Variants in CEACAM18 observed in about 807,000 individuals in gnomAD.
The protein encoded by CEACAM18 is CEA cell adhesion molecule 18, also known as cell adhesion molecule CEACAM18.
Under a neutral mutation model 34.3 loss-of-function variants are expected in CEACAM18, and 33 were observed. That is an observed-to-expected ratio of 0.96 (90% confidence interval 0.73 to 1.29). CEACAM18 has a LOEUF of 1.29. Among genes scored for constraint, CEACAM18 ranks in the 50% most tolerant of loss-of-function variants. The pLI, the probability that CEACAM18 is intolerant of heterozygous loss-of-function variation, is 0.00. For missense variants in CEACAM18, 474 were observed against 485.0 expected (o/e 0.98, Z 0.21); for synonymous variants, 169 against 180.9 (o/e 0.93, Z 0.53).
chr19:51,489,649 A>G (rs1056222501), intron 5 of CEACAM18, among the ~76,000 whole-genome samples: 2 of 152,176 alleles, frequency 1.3e-5, no homozygotes, highest in Admixed American at 6.5e-5. Context: ...AATGTCGACC[A>G]TACAGTGAGA....
intron 3 of CEACAM18, 47 bp from the exon 4 acceptor site, chr19:51,482,970 C>A (rs987949510): frequency 6.3e-7 from 1 of 1,593,186 alleles, no homozygotes; most frequent in South Asian, 1.1e-5. Context: ...AGACGGGACG[C>A]CGAGGGGTCA....
At chr19:51,480,301 TTCTC>T in intron 1 of CEACAM18, 28 bp from the exon 2 acceptor site, 8 of 1,508,472 alleles carry the variant, frequency 5.3e-6, no homozygotes, top group Non-Finnish European at 7.2e-6. Context: ...CTTTGTGAAT[TTCTC>T]TCTGTCTTTT....
chr19:51,483,247 G>A lies in CEACAM18; in HGVS notation c.904G>A (p.Val302Met), dbSNP rs200740909. The change falls in exon 4 of 6, where the codon GTG becomes ATG. Residue 302 changes from valine (V) to methionine (M), a missense_variant. Physicochemically the swap from Val to Met is conservative, Grantham distance 21. Coordinates refer to ENST00000396477, the Ensembl canonical transcript of CEACAM18. ...TTACCGATGCACTGTGGAGAACCCC[G>A]TGACACAGCTGATCATGTACATGGA... The A allele has an allele frequency of 1.5e-5, 24 of 1,613,998 alleles. No individual in the cohort carries two copies. The Admixed American group carries it at 3.0e-4, about 20-fold the overall frequency.
chr19:51,480,401 A>T lies in CEACAM18; in HGVS notation c.121A>T (p.Lys41Ter). 1 of 1,613,154 alleles carries T rather than the reference A, an allele frequency of 6.2e-7. No homozygotes were observed. The highest frequency in any genetic ancestry group is 8.5e-7 in the Non-Finnish European group (1 of 1,179,484). ...CTTCATCACCCAAACCCTGGGGATC[A>T]AGGGATATCGGACTGTCGTGGCCCT... is the stretch of plus-strand genomic sequence containing the variant. The change falls in exon 2 of 6, where the codon AAG (lysine) becomes TAG (stop). Residue 41 changes from lysine to a stop codon, truncating the protein, a stop_gained. Coordinates refer to ENST00000396477, the Ensembl canonical transcript of CEACAM18. LOFTEE classifies it high-confidence loss of function.
intron 4 of CEACAM18, 150 bp from the exon 5 acceptor site, chr19:51,484,837 C>A: frequency 2.1e-6 from 2 of 950,508 alleles, no homozygotes; most frequent in Non-Finnish European, 3.2e-6. Context: ...GTTTTGTTGG[C>A]TGCTGAATCC....
At chr19:51,483,162 C>T in exon 4 of CEACAM18, 2 of 1,614,028 alleles carry the variant, frequency 1.2e-6, no homozygotes, top group Non-Finnish European at 8.5e-7. Flanking sequence ...ATGGCTCCCT[C>T]CTGAACTTCT....
At chr19:51,485,080 G>A (rs1989977638) in exon 5 of CEACAM18, 3 of 1,534,558 alleles carry the variant, frequency 2.0e-6, no homozygotes, top group African/African-American at 1.4e-5. Flanking sequence ...GTTTACATCT[G>A]TGGAGTCCTG....
At chr19:51,487,761 C>T (rs1034627611) in intron 5 of CEACAM18, among the ~76,000 whole-genome samples, 3 of 152,064 alleles carry the variant, frequency 2.0e-5, no homozygotes, top group East Asian at 1.9e-4. Context: ...CCAGCCTGGG[C>T]GACAGTGCGA....
At chr19:51,487,428 C>T (rs557809105) in intron 5 of CEACAM18, among the ~76,000 whole-genome samples, 8 of 152,218 alleles carry the variant, frequency 5.3e-5, no homozygotes, top group South Asian at 2.1e-4. Context: ...GAGCCGAGAT[C>T]GTGCCACTGC....
chr19:51,481,230 T>C (rs922303950), intron 2 of CEACAM18, among the ~76,000 whole-genome samples, 163 bp from the exon 3 acceptor site: 1 of 152,200 alleles, frequency 6.6e-6, no homozygotes, highest in African/African-American at 2.4e-5. Context: ...CTCATTGCCC[T>C]GTGCCTATTC....
intron 1 of CEACAM18, among the ~76,000 whole-genome samples, chr19:51,479,325 G>T (rs1161838698): frequency 6.6e-6 from 1 of 152,158 alleles, no homozygotes; most frequent in Non-Finnish European, 1.5e-5. Flanking sequence ...GTCATATGTG[G>T]TAACAGGCTG....
chr19:51,479,205 A>T (rs912473568), intron 1 of CEACAM18, among the ~76,000 whole-genome samples: 1 of 151,922 alleles, frequency 6.6e-6, no homozygotes, highest in Non-Finnish European at 1.5e-5. Context: ...ACTGTCCTTG[A>T]ACAGGTCCAG....
intron 1 of CEACAM18, 127 bp downstream of exon 1, chr19:51,478,821 G>T: frequency 1.6e-6 from 1 of 627,936 alleles, no homozygotes; most frequent in Non-Finnish European, 2.4e-6. Context: ...CAGAGCAGGG[G>T]TCGGGGAGAG....
chr19:51,483,006 T>C lies in CEACAM18; in HGVS notation c.674-11T>C. 1 of 1,612,364 alleles carries C rather than the reference T, an allele frequency of 6.2e-7. No individual in the cohort carries two copies. The highest frequency in any genetic ancestry group is 8.5e-7 in the Non-Finnish European group (1 of 1,178,584). On this transcript the variant is annotated splice_polypyrimidine_tract_variant and intron_variant, in intron 3 of 5. Coordinates refer to ENST00000396477, the Ensembl canonical transcript of CEACAM18. Reference sequence around the variant, plus strand: ...GAAACATAGCCTGGGCCTCCTACCCTGTCTCTACAGATGGGCCCGACTATG... The same window carrying C: ...GAAACATAGCCTGGGCCTCCTACCCCGTCTCTACAGATGGGCCCGACTATG...
intron 3 of CEACAM18, among the ~76,000 whole-genome samples, chr19:51,482,685 G>A (rs550209661): frequency 6.6e-5 from 10 of 152,346 alleles, no homozygotes; most frequent in African/African-American, 2.4e-4. Context: ...GGTGGAACCA[G>A]TCACATGGGT....
chr19:51,484,823 G>A (rs754489864), intron 4 of CEACAM18, 164 bp from the exon 5 acceptor site: 23 of 818,560 alleles, frequency 2.8e-5, no homozygotes, highest in Non-Finnish European at 4.1e-5. Context: ...GGTACAGGGA[G>A]TTTGTTTTGT....
At chr19:51,490,320 C>T (rs542872779) in intron 5 of CEACAM18, among the ~76,000 whole-genome samples, 3 of 152,288 alleles carry the variant, frequency 2.0e-5, no homozygotes, top group African/African-American at 7.2e-5. Flanking sequence ...AGTGCCCACT[C>T]CTTCCTCAGC....
intron 1 of CEACAM18, among the ~76,000 whole-genome samples, chr19:51,479,608 G>A (rs1989872582): frequency 6.6e-6 from 1 of 152,156 alleles, no homozygotes; most frequent in Non-Finnish European, 1.5e-5. Flanking sequence ...GAGGAGCTGG[G>A]GGAGCCCAGA....
intron 4 of CEACAM18, among the ~76,000 whole-genome samples, chr19:51,484,194 A>C (rs1175733835): frequency 6.6e-6 from 1 of 152,174 alleles, no homozygotes; most frequent in East Asian, 1.9e-4. Flanking sequence ...TACTTCAGCC[A>C]CACTACCTCC....
Sources: gnomAD v4.1 joint callset for allele counts (sites outside exome capture counted in the v4.1 genomes callset) on GRCh38, gnomAD v4.1.1 for gene constraint, MANE v1.5 for transcripts, NCBI Gene and HGNC (gene_info 2026-07-23, HGNC 2026-07-21) for gene names.